GPC5: variants seen among roughly 807,000 people sequenced by gnomAD.
The protein encoded by GPC5 is glypican-5.
In GPC5, 47 loss-of-function variants were observed where a neutral mutation model predicts 53.9. The observed-to-expected ratio is 0.87, with a 90% CI of 0.69 to 1.11. The LOEUF is 1.11. Ranked by LOEUF, GPC5 falls within the 50% of genes most tolerant of loss-of-function variation. The probability of loss-of-function intolerance (pLI) is 0.00; values close to 1 mark genes in which losing one functional copy is unlikely to be tolerated. For missense variants in GPC5, 748 were observed against 713.1 expected, an observed-to-expected ratio of 1.05 and a Z score of -0.56; for synonymous variants, 286 against 263.3, an observed-to-expected ratio of 1.09 and a Z score of -0.84.
At chr13:92,407,778 TGTGA>T (rs1486935242) in intron 7 of GPC5, among the ~76,000 whole-genome samples, 1 of 152,064 alleles carries the variant, frequency 6.6e-6, no homozygotes, top group African/African-American at 2.4e-5. Context: ...ACATAAAAAA[TGTGA>T]GTAATGATTA....
At chr13:92,193,445 C>T (rs1469214100) in intron 7 of GPC5, among the ~76,000 whole-genome samples, 1 of 152,006 alleles carries the variant, frequency 6.6e-6, no homozygotes, top group Admixed American at 6.5e-5. Context: ...GTGTATGTAA[C>T]TAACAGGAAA....
chr13:92,787,755 T>C (rs746811237), intron 7 of GPC5, among the ~76,000 whole-genome samples: 3 of 148,960 alleles, frequency 2.0e-5, no homozygotes, highest in Middle Eastern at 3.6e-3. Context: ...CACATACTTA[T>C]AGTCCCAGCT....
At chr13:91,565,065 T>C (rs1046800965) in intron 2 of GPC5, among the ~76,000 whole-genome samples, 1 of 151,532 alleles carries the variant, frequency 6.6e-6, no homozygotes, top group Non-Finnish European at 1.5e-5. Flanking sequence ...TCTTGGCTCA[T>C]TGCAACTTCT....
intron 7 of GPC5, among the ~76,000 whole-genome samples, chr13:92,530,860 A>T (rs987066450): frequency 1.3e-5 from 2 of 152,164 alleles, no homozygotes; most frequent in Admixed American, 1.3e-4. Context: ...GAATCATTAC[A>T]TAAATGACGA....
intron 7 of GPC5, among the ~76,000 whole-genome samples, chr13:92,783,746 C>G (rs1876115089): frequency 6.6e-6 from 1 of 152,090 alleles, no homozygotes; most frequent in Non-Finnish European, 1.5e-5. Flanking sequence ...TATTTTCCTA[C>G]TGTGACTAAA....
chr13:91,637,867 C>G (rs894573331), intron 2 of GPC5, among the ~76,000 whole-genome samples: 1 of 152,200 alleles, frequency 6.6e-6, no homozygotes, highest in African/African-American at 2.4e-5. Context: ...GATGAAGACT[C>G]TACTCATTCT....
At chr13:92,128,935 C>A (rs1214911182) in intron 6 of GPC5, among the ~76,000 whole-genome samples, 1 of 152,004 alleles carries the variant, frequency 6.6e-6, no homozygotes, top group Non-Finnish European at 1.5e-5. Flanking sequence ...TGCACTCCAG[C>A]CTGGGTGACA....
At chr13:91,633,219 C>T (rs1408030184) in intron 2 of GPC5, among the ~76,000 whole-genome samples, 1 of 152,124 alleles carries the variant, frequency 6.6e-6, no homozygotes, top group Non-Finnish European at 1.5e-5. Context: ...CCACTGTACC[C>T]TCTTGGTGCA....
chr13:91,988,407 A>G (rs1225890263), intron 6 of GPC5, among the ~76,000 whole-genome samples: 1 of 152,160 alleles, frequency 6.6e-6, no homozygotes, highest in Admixed American at 6.5e-5. Context: ...GCAGCATGAA[A>G]TCTTTGATCC....
chr13:92,680,177 GA>G (rs1327251801), intron 7 of GPC5, among the ~76,000 whole-genome samples: 2 of 152,146 alleles, frequency 1.3e-5, no homozygotes, highest in Non-Finnish European at 2.9e-5. Flanking sequence ...GCCAGCCTGA[GA>G]AATAATTTCT....
chr13:91,806,333 C>A (rs930596033), intron 5 of GPC5, among the ~76,000 whole-genome samples: 2 of 151,672 alleles, frequency 1.3e-5, no homozygotes, highest in Non-Finnish European at 2.9e-5. Context: ...CCGCACCTGG[C>A]CAAATGCAAT....
At chr13:91,477,177 G>A (rs1309283826) in intron 2 of GPC5, among the ~76,000 whole-genome samples, 2 of 151,878 alleles carry the variant, frequency 1.3e-5, no homozygotes, top group African/African-American at 4.8e-5. Context: ...TATATCTTTT[G>A]TAATATGTAA....
At chr13:91,967,811 T>C (rs922728879) in intron 6 of GPC5, among the ~76,000 whole-genome samples, 2 of 152,126 alleles carry the variant, frequency 1.3e-5, no homozygotes, top group Non-Finnish European at 2.9e-5. Context: ...TCAACTAAAG[T>C]TTATACAATT....
chr13:92,320,360 T>C (rs1277427911), intron 7 of GPC5, among the ~76,000 whole-genome samples: 2 of 152,304 alleles, frequency 1.3e-5, no homozygotes, highest in East Asian at 3.9e-4. Context: ...TAGGATTAAA[T>C]AAATTTTATA....
At chr13:92,355,392 G>T (rs1181454419) in intron 7 of GPC5, among the ~76,000 whole-genome samples, 1 of 152,084 alleles carries the variant, frequency 6.6e-6, no homozygotes, top group Non-Finnish European at 1.5e-5. Context: ...TCCCCCTGCA[G>T]ACTCTGGCTT....
chr13:91,952,189 C>CTG (rs1555299530), intron 6 of GPC5, among the ~76,000 whole-genome samples: 71 of 119,414 alleles, frequency 5.9e-4, no homozygotes, highest in East Asian at 4.9e-3. Context: ...CTCTCTCTCT[C>CTG]TGTGTGTGTG....
chr13:92,127,713 G>A (rs571532111), intron 6 of GPC5, among the ~76,000 whole-genome samples: 1 of 152,160 alleles, frequency 6.6e-6, no homozygotes, highest in Non-Finnish European at 1.5e-5. Flanking sequence ...AGGGATAAAA[G>A]CTCTATGAGG....
rs115169783 is a variant in GPC5, at chr13:91,607,733, G to A, written c.326-85454G>A. 6.3e-3 allele frequency among the ~76,000 whole-genome samples: 956 copies of A among 152,200 alleles called. 12 individuals carry two copies. Among genetic ancestry groups the A allele is most frequent in the African/African-American group, 0.022 (914 of 41,510 alleles). ...ATTCATGGCCACCCTTCTAGACAGT[G>A]GGAAGTTTTCCCTGAAAGACAATCA... On this transcript the variant is annotated intron_variant, in intron 2 of 7. Transcript: ENST00000377067.
chr13:92,815,820 AG>A (rs1181547634), intron 7 of GPC5, among the ~76,000 whole-genome samples: 9 of 151,962 alleles, frequency 5.9e-5, no homozygotes, highest in Non-Finnish European at 1.3e-4. Flanking sequence ...AATCACTTCA[AG>A]GCTTGGAACC....
Sources: allele counts gnomAD v4.1 joint callset (sites outside exome capture counted in the v4.1 genomes callset), GRCh38; gene constraint gnomAD v4.1.1; transcripts MANE v1.5; gene names NCBI Gene and HGNC (gene_info 2026-07-23, HGNC 2026-07-21).